The following CNTNAP2 variants were observed in gnomAD, a reference collection of about 807,000 sequenced individuals.
CNTNAP2 encodes contactin-associated protein-like 2.
CNTNAP2 carries 98 observed loss-of-function variants against 155.2 expected under a neutral mutation model. That is an observed-to-expected ratio of 0.63 (90% CI 0.54 to 0.75). The LOEUF is 0.75. Among genes scored for constraint, CNTNAP2 ranks in the 30% least tolerant of loss-of-function variants. The pLI is 0.00. For missense variants in CNTNAP2, 1,727 were observed against 1,688.1 expected, an observed-to-expected ratio of 1.02 and a Z score of -0.40; for synonymous variants, 651 against 631.2, an observed-to-expected ratio of 1.03 and a Z score of -0.47.
intron 4 of CNTNAP2, among the ~76,000 whole-genome samples, chr7:147,072,266 A>G (rs1799907010): frequency 1.3e-5 from 2 of 152,234 alleles, no homozygotes; most frequent in Non-Finnish European, 2.9e-5. Flanking sequence ...GGTATGAAAT[A>G]AGGCTGGAGA....
At chr7:147,326,245 T>G (rs963806956) in intron 9 of CNTNAP2, among the ~76,000 whole-genome samples, 9 of 152,338 alleles carry the variant, frequency 5.9e-5, no homozygotes, top group Admixed American at 3.3e-4. Flanking sequence ...ACTTGCTATC[T>G]TTATGAATTT....
intron 1 of CNTNAP2, among the ~76,000 whole-genome samples, chr7:146,595,527 G>A (rs756036515): frequency 3.3e-5 from 5 of 151,990 alleles, no homozygotes; most frequent in African/African-American, 4.8e-5. Flanking sequence ...GACAGAACAT[G>A]ATAAATTTCA....
intron 9 of CNTNAP2, among the ~76,000 whole-genome samples, chr7:147,325,034 T>C (rs34914484): frequency 0.035 from 5,263 of 152,310 alleles, 126 homozygotes; most frequent in Non-Finnish European, 0.052. Context: ...CCTGGCACAG[T>C]GGCTCATGCC....
intron 4 of CNTNAP2, among the ~76,000 whole-genome samples, chr7:147,104,297 C>T (rs1401994497): frequency 6.6e-6 from 1 of 151,908 alleles, no homozygotes; most frequent in Non-Finnish European, 1.5e-5. Context: ...ACTAATGGTA[C>T]ATTTTTAGCT....
intron 11 of CNTNAP2, among the ~76,000 whole-genome samples, chr7:147,490,393 G>A (rs1198937435): frequency 1.3e-5 from 2 of 152,056 alleles, no homozygotes; most frequent in South Asian, 2.1e-4. Flanking sequence ...ATTTCCTCTG[G>A]GTTCATAAAT....
intron 10 of CNTNAP2, among the ~76,000 whole-genome samples, chr7:147,402,003 A>G (rs945693330): frequency 2.2e-4 from 33 of 152,258 alleles, no homozygotes; most frequent in African/African-American, 7.7e-4. Context: ...CATAACTTAG[A>G]TGAAGAAAAC....
Position 146,619,230 on chromosome 7 carries a change from A to G in CNTNAP2, c.98-155041A>G, listed in dbSNP as rs140685188. Among the ~76,000 whole-genome samples, 298 of 152,292 alleles carry G rather than the reference A, an allele frequency of 2.0e-3. 2 individuals carry two copies. Among genetic ancestry groups the G allele is most frequent in the African/African-American group, 6.2e-3 (257 of 41,586 alleles). ...ATTTAAATTCTTTCCCTAATTTTTT[A>G]ATATTCTTTACAACATTTGTTAAAT... On this transcript the variant is annotated intron_variant, in intron 1 of 23. Coordinates refer to ENST00000361727, the MANE Select transcript of CNTNAP2 (RefSeq NM_014141.6).
At chr7:146,640,516 AG>A (rs1336359307) in intron 1 of CNTNAP2, among the ~76,000 whole-genome samples, 13 of 152,206 alleles carry the variant, frequency 8.5e-5, no homozygotes, top group African/African-American at 3.1e-4. Flanking sequence ...ATGCTCTCTA[AG>A]TGGAGTGGCA....
At chr7:147,433,083 C>T (rs1247376339) in intron 10 of CNTNAP2, among the ~76,000 whole-genome samples, 3 of 152,162 alleles carry the variant, frequency 2.0e-5, no homozygotes, top group African/African-American at 7.2e-5. Context: ...CAGCACAGGA[C>T]ATTTGAAATC....
chr7:147,009,373 A>G (rs547533453), intron 3 of CNTNAP2, among the ~76,000 whole-genome samples: 1 of 152,278 alleles, frequency 6.6e-6, no homozygotes, highest in African/African-American at 2.4e-5. Flanking sequence ...CAAGCCATAT[A>G]ATGTCTAACA....
chr7:147,107,074 C>T (rs1202716477), intron 4 of CNTNAP2, among the ~76,000 whole-genome samples: 1 of 152,116 alleles, frequency 6.6e-6, no homozygotes, highest in Non-Finnish European at 1.5e-5. Context: ...TTCCGTTTGA[C>T]TAGGCTTTCT....
intron 1 of CNTNAP2, among the ~76,000 whole-genome samples, chr7:146,504,133 C>G (rs1217409402): frequency 6.6e-6 from 1 of 152,242 alleles, no homozygotes; most frequent in African/African-American, 2.4e-5. Flanking sequence ...CTGACCAAAG[C>G]ACAGCCACTT....
chr7:146,329,858 G>A (rs182793825), intron 1 of CNTNAP2, among the ~76,000 whole-genome samples: 57 of 151,974 alleles, frequency 3.8e-4, no homozygotes, highest in African/African-American at 1.3e-3. Flanking sequence ...ATTATATAAC[G>A]AGTCTTCACT....
At chr7:148,159,024 A>G (rs1167505416) in intron 17 of CNTNAP2, among the ~76,000 whole-genome samples, 1 of 152,152 alleles carries the variant, frequency 6.6e-6, no homozygotes, top group Non-Finnish European at 1.5e-5. Flanking sequence ...GCGTGAGAAA[A>G]AAGAGGCCCA....
intron 2 of CNTNAP2, among the ~76,000 whole-genome samples, chr7:146,789,738 A>G (rs1490647426): frequency 1.3e-5 from 2 of 151,904 alleles, no homozygotes; most frequent in Admixed American, 6.6e-5. Context: ...TGCAGCACCA[A>G]TACGCTAGAA....
At chr7:147,502,156 AAGCT>A in intron 11 of CNTNAP2, among the ~76,000 whole-genome samples, 1 of 152,320 alleles carries the variant, frequency 6.6e-6, no homozygotes, top group African/African-American at 2.4e-5. Context: ...TTATCAATGC[AAGCT>A]ATACAATCAA....
At chr7:147,356,919 C>A (rs1178158554) in intron 9 of CNTNAP2, among the ~76,000 whole-genome samples, 1 of 152,098 alleles carries the variant, frequency 6.6e-6, no homozygotes. Flanking sequence ...AAACTGAGAT[C>A]AAATGGCCAC....
chr7:146,584,878 A>G (rs369777960), intron 1 of CNTNAP2, among the ~76,000 whole-genome samples: 106 of 152,292 alleles, frequency 7.0e-4, no homozygotes, highest in Admixed American at 3.9e-4. Flanking sequence ...CACTGTATGA[A>G]GAAGGGAATG....
At chr7:146,540,752 C>A (rs1166790351) in intron 1 of CNTNAP2, among the ~76,000 whole-genome samples, 1 of 151,984 alleles carries the variant, frequency 6.6e-6, no homozygotes. Flanking sequence ...GGGCTAGTGC[C>A]AATTAAGGGA....
Sources: gnomAD v4.1 joint callset for allele counts (sites outside exome capture counted in the v4.1 genomes callset) on GRCh38, gnomAD v4.1.1 for gene constraint, MANE v1.5 for transcripts, NCBI Gene and HGNC (gene_info 2026-07-23, HGNC 2026-07-21) for gene names.